ZNF263: variants seen among roughly 807,000 people sequenced by gnomAD.
ZNF263 encodes the protein zinc finger protein FPM315.
ZNF263 carries 49 observed loss-of-function variants against 63.1 expected under a neutral mutation model. The ratio of observed to expected loss-of-function variants is 0.78; its 90% CI spans 0.62 to 0.99. The LOEUF (loss-of-function observed/expected upper bound fraction) is 0.99. Among genes scored for constraint, ZNF263 ranks in the 50% least tolerant of loss-of-function variants. The pLI, the probability that ZNF263 is intolerant of heterozygous loss-of-function variation, is 0.00. For synonymous variants in ZNF263, 352 were observed against 324.2 expected (o/e 1.09, Z -0.92); for missense variants, 872 against 854.8 (o/e 1.02, Z -0.25).
Position 3,284,207 on chromosome 16 carries a change from TGAGA to T in ZNF263, c.387+14_387+17del, listed in dbSNP as rs142708827. 1.2e-5 allele frequency: 18 copies of T among 1,514,164 alleles called. No homozygotes were observed. Among genetic ancestry groups the T allele is most frequent in the African/African-American group, 8.4e-5 (6 of 71,544 alleles). The allele number at this position is 1,514,164 out of a possible 1,614,324, so 93.8% of individuals were successfully genotyped here. A position where few individuals can be genotyped will look rare whatever the true frequency, so the allele number is the denominator to read the frequency against. The stretch of plus-strand genomic sequence containing the variant: ...GAGCTTGGGAGACTGAGACAACAGG[TGAGA>T]GAGAGAGAGAGCTGTTTTATCTGTG... On this transcript the variant is annotated splice_donor_5th_base_variant and intron_variant, in intron 1 of 5. Coordinates refer to ENST00000219069, the MANE Select transcript of ZNF263 (RefSeq NM_005741.5).
In ZNF263 at chr16:3,290,419, A is replaced by T; in HGVS notation, c.1913A>T (p.Asp638Val). ...EKPYTCHECG[D>V]SFSHSSNRIR... The stretch of plus-strand genomic sequence containing the variant: ...CCCTATACCTGTCATGAGTGCGGAG[A>T]CAGCTTCTCTCACAGCTCCAATCGG... The change falls in exon 6 of 6, where the codon GAC becomes GTC. Residue 638 changes from aspartate to valine, a missense_variant. Asp to Val is a radical substitution (Grantham distance 152). Coordinates refer to ENST00000219069, the MANE Select transcript of ZNF263 (RefSeq NM_005741.5). 6.2e-7 allele frequency: 1 copy of T among 1,614,150 alleles called. No homozygotes were observed. Among genetic ancestry groups the T allele is most frequent in the South Asian group, 1.1e-5 (1 of 91,072 alleles).
In ZNF263 at chr16:3,291,189, C is replaced by CAA. The variant is rs1487102728; in HGVS notation, c.*632_*633dup. The CAA allele has an allele frequency of 1.0e-6, 1 of 985,446 alleles. No homozygotes were observed. Among genetic ancestry groups the CAA allele is most frequent in the Non-Finnish European group, 1.2e-6 (1 of 830,148 alleles). 61.0% of individuals were successfully genotyped at this position (985,446 alleles called of 1,614,324 possible). ...CAAAAAGGAACCAGAGGCCCAAGGGCAATAATAAGGTGGAATTTGCAGGTC... is the reference window on the plus strand; with the variant it reads ...CAAAAAGGAACCAGAGGCCCAAGGGCAAAATAATAAGGTGGAATTTGCAGGTC... On this transcript the variant is annotated 3_prime_UTR_variant, in exon 6 of 6. Coordinates refer to ENST00000219069, the MANE Select transcript of ZNF263 (RefSeq NM_005741.5).
At chr16:3,300,347 G>T (rs923842010) in intron 2 of ZNF263, 3 of 1,614,106 alleles carry the variant, frequency 1.9e-6, no homozygotes, top group African/African-American at 1.3e-5. Flanking sequence ...GAGCGTTTCT[G>T]TTGGTACCAC....
At chr16:3,300,496 GACTT>G in intron 2 of ZNF263, 1 of 1,613,838 alleles carries the variant, frequency 6.2e-7, no homozygotes, top group Non-Finnish European at 8.5e-7. Flanking sequence ...ATAAAATGTT[GACTT>G]ACTGATTCCA....
chr16:3,294,622 T>G (rs1046058719), downstream of ZNF263, among the ~76,000 whole-genome samples: 34 of 152,158 alleles, frequency 2.2e-4, no homozygotes, highest in Non-Finnish European at 4.0e-4. Flanking sequence ...CAGCTAGACC[T>G]TGCCTGAGTG....
chr16:3,292,663 C>T (rs1210779086), downstream of ZNF263, among the ~76,000 whole-genome samples: 1 of 152,182 alleles, frequency 6.6e-6, no homozygotes, highest in Non-Finnish European at 1.5e-5. Flanking sequence ...GTAACATCAC[C>T]CACACAGATC....
Position 3,285,895 on chromosome 16 carries a change from G to T in ZNF263, c.643-128G>T, listed in dbSNP as rs76091647. The T allele has an allele frequency of 4.7e-3, 7,255 of 1,555,984 alleles. 292 individuals are homozygous for T. In the African/African-American group the frequency reaches 0.087, roughly 19 times the overall value. On this transcript the variant is annotated intron_variant, in intron 3 of 5. Coordinates refer to ENST00000219069, the MANE Select transcript of ZNF263 (RefSeq NM_005741.5). Reference sequence around the variant, plus strand: ...CTTTGTCTATTTCACACCTCACTTGGAGGCCTGATACCCTTCTTCCCCCCT... The same window carrying T: ...CTTTGTCTATTTCACACCTCACTTGTAGGCCTGATACCCTTCTTCCCCCCT...
downstream of ZNF263, chr16:3,293,316 C>T (rs1209081746): frequency 6.6e-6 from 1 of 152,276 alleles, no homozygotes; most frequent in Non-Finnish European, 1.5e-5. Context: ...GTACCTACTT[C>T]CCCTTTGCCT....
downstream of ZNF263, among the ~76,000 whole-genome samples, chr16:3,294,073 C>T (rs140951558): frequency 0.03 from 4,640 of 152,264 alleles, 107 homozygotes; most frequent in Middle Eastern, 0.095. Flanking sequence ...CTACAGGCGC[C>T]CGCCACCACG....
chr16:3,300,065 A>G (rs369530342), intron 2 of ZNF263: 15 of 1,614,070 alleles, frequency 9.3e-6, no homozygotes, highest in Non-Finnish European at 1.1e-5. Flanking sequence ...ATTGACTTCC[A>G]AAAGAGGTCT....
intron 2 of ZNF263, chr16:3,300,637 C>T: frequency 6.5e-7 from 1 of 1,527,130 alleles, no homozygotes; most frequent in Non-Finnish European, 8.8e-7. Flanking sequence ...TCTGAACCAC[C>T]AACAGGAGAA....
chr16:3,286,142 C>T lies in ZNF263; in HGVS notation c.762C>T (p.Asp254=), dbSNP rs754695335. ...TGCAGGAGAGTTATGAGAATGTGGACTCACTGGGTAAGGACTTCTTTTCCA... is the reference window on the plus strand; with the variant it reads ...TGCAGGAGAGTTATGAGAATGTGGATTCACTGGGTAAGGACTTCTTTTCCA... The part of the protein sequence containing the change: ...DTVQESYENV[D]SLESHIPSQE... Residue 254 remains aspartate, a synonymous_variant, in exon 4 of 6, where the codon GAC becomes GAT. Coordinates refer to ENST00000219069, the MANE Select transcript of ZNF263 (RefSeq NM_005741.5). The T allele has an allele frequency of 6.3e-7, 1 of 1,592,750 alleles. No homozygotes were observed. Among genetic ancestry groups the T allele is most frequent in the South Asian group, 1.1e-5 (1 of 87,124 alleles).
At position 3,283,656 on chromosome 16, in the gene ZNF263, C is replaced by A; in HGVS notation, c.-163C>A. 1 of 1,199,078 alleles carries A rather than the reference C, an allele frequency of 8.3e-7. No individual in the cohort carries two copies. The highest frequency in any genetic ancestry group is 1.1e-6 in the Non-Finnish European group (1 of 939,364). The allele number at this position is 1,199,078 out of a possible 1,614,324, so 74.3% of individuals were successfully genotyped here. On this transcript the variant is annotated 5_prime_UTR_variant, in exon 1 of 6. Coordinates refer to ENST00000219069, the MANE Select transcript of ZNF263 (RefSeq NM_005741.5). ...CGCCTGGGACCGACTGAGGCCTAGG[C>A]GCCGGAGCCGGCCGCGCCTGGGCTG...
intron 2 of ZNF263, chr16:3,299,757 G>A (rs148242088): frequency 3.9e-5 from 60 of 1,547,024 alleles, no homozygotes; most frequent in African/African-American, 5.5e-5. Context: ...TGACGTCCTC[G>A]TCATGAAATC....
downstream of ZNF263, among the ~76,000 whole-genome samples, chr16:3,294,359 C>A (rs370464138): frequency 3.3e-5 from 5 of 152,260 alleles, no homozygotes; most frequent in East Asian, 1.9e-4. Flanking sequence ...AACTAAGTCA[C>A]GTAAAGTGTC....
At chr16:3,295,192 TCCTCCAACCGCCG>T (rs201676277), downstream of ZNF263, among the ~76,000 whole-genome samples, 3,163 of 152,212 alleles carry the variant, frequency 0.021, 112 homozygotes, top group African/African-American at 0.072. Flanking sequence ...CCCACGAGCC[TCCTCCAACCGCCG>T]CCCCGGGCCT....
Position 3,290,962 on chromosome 16 carries a change from C to T in ZNF263, c.*404C>T, listed in dbSNP as rs759068228. ...CATTCAGTAGGAGCATTTGGGCTTC[C>T]GGGGCCCCTGAGACCAAAGAAGAGG... On this transcript the variant is annotated 3_prime_UTR_variant, in exon 6 of 6. Coordinates refer to ENST00000219069, the MANE Select transcript of ZNF263 (RefSeq NM_005741.5). 53 of 999,520 alleles carry T rather than the reference C, an allele frequency of 5.3e-5. No homozygotes were observed. Among genetic ancestry groups the T allele is most frequent in the Non-Finnish European group, 5.3e-5 (44 of 837,062 alleles). 61.9% of individuals were successfully genotyped at this position (999,520 alleles called of 1,614,324 possible).
At chr16:3,285,657 C>A (rs761602959) in intron 2 of ZNF263, 24 bp from the exon 3 acceptor site, 1 of 1,611,208 alleles carries the variant, frequency 6.2e-7, no homozygotes, top group South Asian at 1.1e-5. Context: ...ATGCCATTCT[C>A]ATTATAATTT....
chr16:3,284,364 C>T (rs768466142), intron 1 of ZNF263, among the ~76,000 whole-genome samples, 159 bp downstream of exon 1: 34 of 152,190 alleles, frequency 2.2e-4, no homozygotes, highest in Non-Finnish European at 3.5e-4. Context: ...CAGATTTTCC[C>T]CCAAATGAAC....
Sources: allele counts gnomAD v4.1 joint callset (sites outside exome capture counted in the v4.1 genomes callset), GRCh38; gene constraint gnomAD v4.1.1; transcripts MANE v1.5; gene names NCBI Gene and HGNC (gene_info 2026-07-23, HGNC 2026-07-21).